Variants in NFIB observed in about 807,000 individuals in gnomAD.
NFIB encodes nuclear factor 1 B-type.
A neutral mutation model predicts 61.5 loss-of-function variants in NFIB; 11 were observed. That is an observed-to-expected ratio of 0.18 (90% confidence interval 0.11 to 0.30). The LOEUF (loss-of-function observed/expected upper bound fraction) is 0.30, where lower values mean the gene tolerates loss of function less well. Among genes scored for constraint, NFIB ranks in the 10% least tolerant of loss-of-function variants. The probability of loss-of-function intolerance (pLI) is 1.00; values close to 1 mark genes in which losing one functional copy is unlikely to be tolerated. For synonymous variants in NFIB, 260 were observed against 216.5 expected, an observed-to-expected ratio of 1.20 and a Z score of -1.76; for missense variants, 471 against 608.9, an observed-to-expected ratio of 0.77 and a Z score of 2.38.
intron 1 of NFIB, among the ~76,000 whole-genome samples, chr9:14,359,644 TTAA>T (rs1456420651): frequency 2.6e-5 from 4 of 152,192 alleles, no homozygotes; most frequent in African/African-American, 9.7e-5. Flanking sequence ...TAAGAAACTA[TTAA>T]TAATACACCA....
Position 14,084,297 on chromosome 9 carries a change from TA to T in NFIB, c.*4011del, listed in dbSNP as rs538322976. The T allele has an allele frequency of 3.2e-4, 65 of 205,664 alleles. No individual in the cohort carries two copies. Among genetic ancestry groups the T allele is most frequent in the Admixed American group, 6.5e-4 (11 of 16,798 alleles). The allele number at this position is 205,664 out of a possible 1,614,324, so 12.7% of individuals were successfully genotyped here. A position where few individuals can be genotyped will look rare whatever the true frequency, so the allele number is the denominator to read the frequency against. On this transcript the variant is annotated 3_prime_UTR_variant, in exon 11 of 11. Coordinates refer to ENST00000380953, the MANE Select transcript of NFIB (RefSeq NM_001190737.2). ...CTTTACAAACATGGGAATTTTAATT[TA>T]AAAAAAATTCTTAACAAAACTATAC... is the stretch of plus-strand genomic sequence containing the variant.
At chr9:14,224,324 T>G (rs2052083282) in intron 2 of NFIB, among the ~76,000 whole-genome samples, 2 of 152,166 alleles carry the variant, frequency 1.3e-5, no homozygotes, top group African/African-American at 4.8e-5. Context: ...TGGAAGACCA[T>G]GATGATCTTA....
chr9:14,156,805 G>A (rs1212417484), intron 3 of NFIB, among the ~76,000 whole-genome samples: 1 of 152,152 alleles, frequency 6.6e-6, no homozygotes, highest in Non-Finnish European at 1.5e-5. Flanking sequence ...TCTGTCCTAG[G>A]GTGAGAATAA....
intron 6 of NFIB, among the ~76,000 whole-genome samples, chr9:14,134,567 G>A (rs933818551): frequency 5.3e-5 from 8 of 152,092 alleles, no homozygotes; most frequent in African/African-American, 1.4e-4. Context: ...ATTCTATGGT[G>A]TAGCCAAAGT....
Position 14,307,892 on chromosome 9 carries a change from T to C in NFIB, c.31-372A>G, listed in dbSNP as rs1020246247. 2 of 173,364 alleles carry C rather than the reference T, an allele frequency of 1.2e-5. No individual in the cohort carries two copies. The highest frequency in any genetic ancestry group is 2.5e-5 in the Non-Finnish European group (2 of 80,162). The allele number at this position is 173,364 out of a possible 1,614,324, so 10.7% of individuals were successfully genotyped here. A position where few individuals can be genotyped will look rare whatever the true frequency, so the allele number is the denominator to read the frequency against. On this transcript the variant is annotated intron_variant, in intron 1 of 10. Coordinates refer to ENST00000380953, the MANE Select transcript of NFIB (RefSeq NM_001190737.2). This position sits in a 1 kb window ranked among gnomAD's most constrained non-coding sequence, Gnocchi z 5.3. ...GCACCTAATATAGTATTTCAATATTTGATTGACCAACTAACACTATGCAGT... is the reference window on the plus strand; with the variant it reads ...GCACCTAATATAGTATTTCAATATTCGATTGACCAACTAACACTATGCAGT...
intron 1 of NFIB, among the ~76,000 whole-genome samples, chr9:14,312,150 A>G (rs2060309870): frequency 6.6e-6 from 1 of 152,232 alleles, no homozygotes; most frequent in African/African-American, 2.4e-5. Context: ...AAAATGTGTC[A>G]GCCAAAAAGC....
At chr9:14,117,294 A>G (rs1042072312) in intron 8 of NFIB, among the ~76,000 whole-genome samples, 1 of 152,214 alleles carries the variant, frequency 6.6e-6, no homozygotes, top group South Asian at 2.1e-4. Flanking sequence ...TCCTGGGTAC[A>G]AAAATAGTTT....
At chr9:14,226,991 A>AG (rs370571781) in intron 2 of NFIB, among the ~76,000 whole-genome samples, 1 of 151,698 alleles carries the variant, frequency 6.6e-6, no homozygotes, top group Admixed American at 6.6e-5. Flanking sequence ...TACAAAAAAA[A>AG]TTAGCCGGCC....
chr9:14,228,135 T>C (rs1398153967), intron 2 of NFIB, among the ~76,000 whole-genome samples: 2 of 151,836 alleles, frequency 1.3e-5, no homozygotes, highest in African/African-American at 2.4e-5. Flanking sequence ...AAAATAATTA[T>C]ATAGGAACAG....
intron 6 of NFIB, among the ~76,000 whole-genome samples, chr9:14,138,303 T>C (rs2041300943): frequency 6.6e-6 from 1 of 152,152 alleles, no homozygotes; most frequent in South Asian, 2.1e-4. Context: ...CATGTGCTTG[T>C]TGAAGACAAT....
chr9:14,240,350 C>T (rs545128534), intron 2 of NFIB, among the ~76,000 whole-genome samples: 90 of 152,174 alleles, frequency 5.9e-4, no homozygotes, highest in African/African-American at 2.0e-3. Context: ...CTACCTAGTC[C>T]CCTATTCAGA....
At chr9:14,113,206 C>T in intron 9 of NFIB, 125 bp from the exon 10 acceptor site, 1 of 717,656 alleles carries the variant, frequency 1.4e-6, no homozygotes. Flanking sequence ...CTTCATTTCT[C>T]TTCTCTTTTG....
At chr9:14,392,545 T>C (rs1256561599) in intron 1 of NFIB, among the ~76,000 whole-genome samples, 1 of 152,116 alleles carries the variant, frequency 6.6e-6, no homozygotes, top group Non-Finnish European at 1.5e-5. Flanking sequence ...CTGGGCAACA[T>C]GGTGAAACCC....
the NFIB span, among the ~76,000 whole-genome samples, chr9:14,454,457 G>A: frequency 6.6e-6 from 1 of 152,192 alleles, no homozygotes; most frequent in African/African-American, 2.4e-5. Flanking sequence ...CTCTTGCCTA[G>A]TTAATTTTTG....
In NFIB at chr9:14,083,338, C is replaced by T. The variant is rs2032324369; in HGVS notation, c.*4971G>A. 2 of 227,288 alleles carry T rather than the reference C, an allele frequency of 8.8e-6. No homozygotes were observed. Among genetic ancestry groups the T allele is most frequent in the Non-Finnish European group, 1.8e-5 (2 of 114,092 alleles). The allele number at this position is 227,288 out of a possible 1,614,324, so 14.1% of individuals were successfully genotyped here. ...CCCAACTGCAGGGCTCCACTCCACCCACACAATTTTAGGGAATTAGAAAAA... is the reference window on the plus strand; with the variant it reads ...CCCAACTGCAGGGCTCCACTCCACCTACACAATTTTAGGGAATTAGAAAAA... On this transcript the variant is annotated 3_prime_UTR_variant, in exon 11 of 11. Coordinates refer to ENST00000380953, the MANE Select transcript of NFIB (RefSeq NM_001190737.2).
Position 14,088,154 on chromosome 9 carries a change from TAAAAAAAAAA to T in NFIB, c.*145_*154del. On this transcript the variant is annotated 3_prime_UTR_variant, in exon 11 of 11. Transcript: ENST00000380953. ...CTTCCTCTTTTCCTTTTTTTTTATT[TAAAAAAAAAA>T]TTTCTTAAACTATTGTTGTGTTTCT... The T allele has an allele frequency of 5.2e-6, 7 of 1,338,384 alleles. No homozygotes were observed. Among genetic ancestry groups the T allele is most frequent in the African/African-American group, 1.5e-5 (1 of 66,892 alleles). 82.9% of individuals were successfully genotyped at this position (1,338,384 alleles called of 1,614,324 possible). A position where few individuals can be genotyped will look rare whatever the true frequency, so the allele number is the denominator to read the frequency against.
At position 14,158,930 on chromosome 9, in the gene NFIB, A is replaced by G. The variant is rs187825707; in HGVS notation, c.617-3037T>C. On this transcript the variant is annotated intron_variant, in intron 3 of 10. Transcript: ENST00000380953. ...GAAACACATCGATGAATAAGTGATG[A>G]ACATTTCAATGTATTTACATAAACT... is the stretch of plus-strand genomic sequence containing the variant. 1.1e-3 allele frequency among the ~76,000 whole-genome samples: 166 copies of G among 152,380 alleles called. 2 individuals are homozygous for G. The highest frequency in any genetic ancestry group is 1.4e-3 in the Non-Finnish European group (93 of 68,036).
intron 2 of NFIB, among the ~76,000 whole-genome samples, chr9:14,287,759 G>A (rs1028610526): frequency 6.6e-6 from 1 of 151,952 alleles, no homozygotes. Flanking sequence ...AATTACCTAT[G>A]AGGAAACACC....
chr9:14,330,612 T>G lies in NFIB; in HGVS notation c.109-23092A>C, dbSNP rs553108348. On this transcript the variant is annotated intron_variant, in intron 1 of 8. Transcript: ENST00000380934. ...GGGATTTGATGACAATCACTGCCAT[T>G]TCATCATCATAAGCATCCTGTGTAG... is the stretch of plus-strand genomic sequence containing the variant. Among the ~76,000 whole-genome samples the G allele has an allele frequency of 4.0e-4, 61 of 152,338 alleles. 1 individual carries two copies. The highest frequency in any genetic ancestry group is 9.8e-4 in the Admixed American group (15 of 15,306).
Sources: gnomAD v4.1 joint callset for allele counts (sites outside exome capture counted in the v4.1 genomes callset) on GRCh38, gnomAD v4.1.1 for gene constraint, Gnocchi (gnomAD v3.1) non-coding constraint, MANE v1.5 for transcripts, NCBI Gene and HGNC (gene_info 2026-07-23, HGNC 2026-07-21) for gene names.